Variants in DLEU7 observed in about 807,000 individuals in gnomAD.
The protein encoded by DLEU7 is deleted in lymphocytic leukemia 7, also known as leukemia-associated protein 7.
Under a neutral mutation model 16.0 loss-of-function variants are expected in DLEU7, and 17 were observed. The observed-to-expected ratio is 1.06, with a 90% CI of 0.73 to 1.59. The LOEUF is 1.59. DLEU7 is among the 40% of genes most tolerant of loss of function. The pLI, the probability that DLEU7 is intolerant of heterozygous loss-of-function variation, is 0.00. For missense variants in DLEU7, 308 were observed against 314.9 expected (o/e 0.98, Z 0.17); for synonymous variants, 113 against 139.8 (o/e 0.81, Z 1.35).
chr13:50,755,232 A>G (rs760442273), intron 1 of DLEU7, among the ~76,000 whole-genome samples: 1 of 152,148 alleles, frequency 6.6e-6, no homozygotes, highest in African/African-American at 2.4e-5. Flanking sequence ...TTGAATGTCT[A>G]TGTCTCTAGC....
chr13:50,828,907 C>G (rs1178595680), intron 1 of DLEU7, among the ~76,000 whole-genome samples: 3 of 152,172 alleles, frequency 2.0e-5, no homozygotes, highest in Admixed American at 2.0e-4. Flanking sequence ...GTTCTTTTCT[C>G]TTTAAAGCAT....
At chr13:50,762,658 G>A (rs1271855712) in intron 1 of DLEU7, among the ~76,000 whole-genome samples, 1 of 152,078 alleles carries the variant, frequency 6.6e-6, no homozygotes, top group African/African-American at 2.4e-5. Flanking sequence ...CTTGAAGGCG[G>A]GGATTAAAGG....
chr13:50,743,687 G>C (rs138286413), intron 1 of DLEU7, among the ~76,000 whole-genome samples: 2 of 152,138 alleles, frequency 1.3e-5, no homozygotes. Context: ...TATGATTAAG[G>C]ATCTAAGAGA....
At chr13:50,822,765 C>G (rs564315464), downstream of DLEU7, 1 of 985,502 alleles carries the variant, frequency 1.0e-6, no homozygotes, top group Non-Finnish European at 1.2e-6. Flanking sequence ...CTTCTCTGCT[C>G]AACAGTAAGT....
chr13:50,827,431 C>T (rs1877122506), intron 1 of DLEU7, among the ~76,000 whole-genome samples: 2 of 151,918 alleles, frequency 1.3e-5, no homozygotes, highest in Non-Finnish European at 2.9e-5. Context: ...GTAATCCCAA[C>T]ACTTTGGGAG....
chr13:50,755,902 G>A (rs1440323392), intron 1 of DLEU7, among the ~76,000 whole-genome samples: 1 of 152,150 alleles, frequency 6.6e-6, no homozygotes, highest in Non-Finnish European at 1.5e-5. Context: ...GTCCCATGGG[G>A]TGTTCCCTTG....
chr13:50,756,290 G>A (rs143540264), intron 1 of DLEU7, among the ~76,000 whole-genome samples: 32 of 152,256 alleles, frequency 2.1e-4, no homozygotes, highest in East Asian at 1.5e-3. Flanking sequence ...AAGAGTATAC[G>A]CCCTTTGTCT....
chr13:50,717,132 G>C (rs1173285763), intron 1 of DLEU7, among the ~76,000 whole-genome samples: 1 of 152,132 alleles, frequency 6.6e-6, no homozygotes, highest in East Asian at 1.9e-4. Flanking sequence ...TGATTTAGTT[G>C]ATGCAACCAG....
chr13:50,833,646 CA>C (rs926466525), intron 1 of DLEU7, among the ~76,000 whole-genome samples: 1 of 152,150 alleles, frequency 6.6e-6, no homozygotes, highest in Non-Finnish European at 1.5e-5. Context: ...ATGCTATTCC[CA>C]TCAAGCTACC....
intron 1 of DLEU7, among the ~76,000 whole-genome samples, chr13:50,789,768 G>A (rs1179162011): frequency 2.6e-5 from 4 of 152,130 alleles, no homozygotes; most frequent in African/African-American, 9.7e-5. Context: ...ATCTGAGGAA[G>A]CTAAAACCCA....
intron 1 of DLEU7, among the ~76,000 whole-genome samples, chr13:50,739,409 G>A (rs1192168170): frequency 6.6e-6 from 1 of 152,116 alleles, no homozygotes; most frequent in Non-Finnish European, 1.5e-5. Context: ...GGCCTAGTAG[G>A]TGAATCCATG....
At chr13:50,793,648 T>C (rs1876030945) in intron 1 of DLEU7, among the ~76,000 whole-genome samples, 1 of 152,242 alleles carries the variant, frequency 6.6e-6, no homozygotes, top group Non-Finnish European at 1.5e-5. Flanking sequence ...TTGTAGGTCT[T>C]CTTTTGAGAA....
At chr13:50,792,576 T>G (rs1875988314) in intron 1 of DLEU7, among the ~76,000 whole-genome samples, 1 of 152,170 alleles carries the variant, frequency 6.6e-6, no homozygotes, top group South Asian at 2.1e-4. Context: ...CCTTCTACTA[T>G]CTCTTCTTCT....
intron 1 of DLEU7, among the ~76,000 whole-genome samples, chr13:50,734,185 A>C (rs538631226): frequency 2.0e-5 from 3 of 152,228 alleles, no homozygotes; most frequent in Admixed American, 1.3e-4. Flanking sequence ...AAATCAAGGC[A>C]AGTCACTCTA....
At chr13:50,762,310 T>C (rs1381737585) in intron 1 of DLEU7, among the ~76,000 whole-genome samples, 1 of 152,088 alleles carries the variant, frequency 6.6e-6, no homozygotes, top group African/African-American at 2.4e-5. Flanking sequence ...TGTTTGGGGA[T>C]TACGACTATC....
Position 50,718,116 on chromosome 13 carries a change from T to C in DLEU7, c.460-4876A>G, listed in dbSNP as rs551227388. 1.2e-4 allele frequency among the ~76,000 whole-genome samples: 19 copies of C among 152,296 alleles called. No homozygotes were observed. The South Asian group carries it at 3.1e-3, about 25-fold the overall frequency. On this transcript the variant is annotated intron_variant, in intron 1 of 1. Transcript: ENST00000400393. ...GATCTGCAAGTGATTTCTATGAATA[T>C]TGAAATTTAAGAAGCACTAATTTAA...
At chr13:50,744,500 C>A (rs957405519) in intron 1 of DLEU7, among the ~76,000 whole-genome samples, 4 of 152,098 alleles carry the variant, frequency 2.6e-5, no homozygotes, top group Admixed American at 1.3e-4. Context: ...TTCGCAAATT[C>A]TGTATCACAA....
intron 1 of DLEU7, among the ~76,000 whole-genome samples, chr13:50,759,637 G>C (rs1472145357): frequency 1.3e-5 from 2 of 152,180 alleles, no homozygotes; most frequent in Admixed American, 1.3e-4. Context: ...CTAGTCAGGT[G>C]GCCCCCAGTG....
chr13:50,791,618 A>C (rs965654708), intron 1 of DLEU7, among the ~76,000 whole-genome samples: 1 of 152,128 alleles, frequency 6.6e-6, no homozygotes, highest in Non-Finnish European at 1.5e-5. Context: ...GCAGGGTCAG[A>C]GCCAAGTTTT....
Sources: allele counts gnomAD v4.1 joint callset (sites outside exome capture counted in the v4.1 genomes callset), GRCh38; gene constraint gnomAD v4.1.1; transcripts MANE v1.5; gene names NCBI Gene and HGNC (gene_info 2026-07-23, HGNC 2026-07-21).